Variants in CNTN4 observed in about 807,000 individuals in gnomAD.
CNTN4 encodes contactin 4.
Under a neutral mutation model 122.5 loss-of-function variants are expected in CNTN4, and 77 were observed. That is an observed-to-expected ratio of 0.63 (90% CI 0.52 to 0.76). The LOEUF (loss-of-function observed/expected upper bound fraction) is 0.76. Among genes scored for constraint, CNTN4 ranks in the 30% least tolerant of loss-of-function variants. The pLI, the probability that CNTN4 is intolerant of heterozygous loss-of-function variation, is 0.00. For synonymous variants in CNTN4, 512 were observed against 447.0 expected, an observed-to-expected ratio of 1.15 and a Z score of -1.83; for missense variants, 1,256 against 1,259.1, an observed-to-expected ratio of 1.00 and a Z score of 0.04.
chr3:3,007,734 G>A (rs1174322283), intron 14 of CNTN4, among the ~76,000 whole-genome samples: 1 of 152,190 alleles, frequency 6.6e-6, no homozygotes, highest in African/African-American at 2.4e-5. Flanking sequence ...CCCATAGATT[G>A]GTATGGGAGC....
At chr3:2,361,515 T>A (rs907521928) in intron 3 of CNTN4, among the ~76,000 whole-genome samples, 1 of 152,238 alleles carries the variant, frequency 6.6e-6, no homozygotes, top group South Asian at 2.1e-4. Flanking sequence ...TGCTCTGTAC[T>A]ATACCCTGGG....
At chr3:2,973,300 C>G (rs1034180126) in intron 13 of CNTN4, among the ~76,000 whole-genome samples, 3 of 151,926 alleles carry the variant, frequency 2.0e-5, no homozygotes, top group East Asian at 1.9e-4. Flanking sequence ...GAAGAGAACA[C>G]CCAGGTATTA....
At chr3:2,332,448 T>A (rs1011368131) in intron 2 of CNTN4, among the ~76,000 whole-genome samples, 10 of 152,050 alleles carry the variant, frequency 6.6e-5, no homozygotes, top group Admixed American at 6.6e-4. Flanking sequence ...GAGAAGAGTT[T>A]TTATTCACCC....
At chr3:2,913,792 C>A (rs903133941) in intron 12 of CNTN4, among the ~76,000 whole-genome samples, 6 of 152,134 alleles carry the variant, frequency 3.9e-5, no homozygotes, top group Non-Finnish European at 8.8e-5. Flanking sequence ...GTGAACAACC[C>A]TGTAGGCCAG....
intron 4 of CNTN4, among the ~76,000 whole-genome samples, chr3:2,728,104 A>C (rs2088370280): frequency 6.6e-6 from 1 of 152,202 alleles, no homozygotes; most frequent in Admixed American, 6.5e-5. Flanking sequence ...TAACAACACT[A>C]AATTGTATTA....
chr3:2,988,200 C>T, intron 13 of CNTN4, 145 bp from the exon 14 acceptor site: 1 of 751,532 alleles, frequency 1.3e-6, no homozygotes, highest in Admixed American at 2.1e-5. Flanking sequence ...GACAAATACC[C>T]TAAATAAAGA....
rs375194879 is a variant in CNTN4 at position 2,817,910 on chromosome 3, G to T, written c.359-1576G>T. Reference sequence around the variant, plus strand: ...AGGAATCTCAGACCATTTCCATAAAGACAAGAAAAATACCATGTTCTACCC... The same window carrying T: ...AGGAATCTCAGACCATTTCCATAAATACAAGAAAAATACCATGTTCTACCC... On this transcript the variant is annotated intron_variant, in intron 6 of 24. Transcript: ENST00000418658. 5.9e-5 allele frequency among the ~76,000 whole-genome samples: 9 copies of T among 152,272 alleles called. No individual in the cohort carries two copies. In the South Asian group the frequency reaches 8.3e-4, roughly 14 times the overall value.
At chr3:2,477,857 C>CA (rs2075875513) in intron 3 of CNTN4, among the ~76,000 whole-genome samples, 1 of 152,064 alleles carries the variant, frequency 6.6e-6, no homozygotes, top group South Asian at 2.1e-4. Context: ...GCCATTCAAG[C>CA]AAGAAGGCAG....
At chr3:2,596,059 T>C (rs2080755679) in intron 4 of CNTN4, among the ~76,000 whole-genome samples, 2 of 152,210 alleles carry the variant, frequency 1.3e-5, no homozygotes, top group African/African-American at 4.8e-5. Context: ...AAAATAACAC[T>C]ATAGCATGTG....
chr3:2,983,088 C>G (rs954515071), intron 13 of CNTN4, among the ~76,000 whole-genome samples: 1 of 151,196 alleles, frequency 6.6e-6, no homozygotes, highest in Non-Finnish European at 1.5e-5. Context: ...GTGGCGGGTG[C>G]CTGTAGTCCC....
chr3:2,228,243 T>G (rs537618102), intron 2 of CNTN4, among the ~76,000 whole-genome samples: 42 of 152,280 alleles, frequency 2.8e-4, no homozygotes, highest in South Asian at 1.9e-3. Flanking sequence ...CTTCTTCTTT[T>G]TTGTGTTGCC....
intron 6 of CNTN4, among the ~76,000 whole-genome samples, chr3:2,792,925 C>A (rs1193859439): frequency 6.6e-6 from 1 of 152,144 alleles, no homozygotes; most frequent in African/African-American, 2.4e-5. Flanking sequence ...TGAAGATTTG[C>A]AAAGCAGAGC....
At chr3:2,966,324 A>T (rs1339847094) in intron 13 of CNTN4, among the ~76,000 whole-genome samples, 1 of 152,168 alleles carries the variant, frequency 6.6e-6, no homozygotes, top group African/African-American at 2.4e-5. Flanking sequence ...GTTTCCTATA[A>T]ACAATTGATC....
intron 5 of CNTN4, among the ~76,000 whole-genome samples, chr3:2,736,935 C>T (rs553517406): frequency 2.6e-5 from 4 of 152,252 alleles, no homozygotes; most frequent in African/African-American, 9.6e-5. Flanking sequence ...AGATGTGTGC[C>T]ACCATGCCCA....
chr3:3,037,440 C>T (rs1052341897), intron 18 of CNTN4, 112 bp downstream of exon 18: 3 of 1,410,122 alleles, frequency 2.1e-6, no homozygotes, highest in Non-Finnish European at 3.0e-6. Context: ...GTTAGCTCAC[C>T]CTTCCCTTTA....
chr3:3,004,939 G>C (rs1445467895), intron 14 of CNTN4, among the ~76,000 whole-genome samples: 1 of 152,194 alleles, frequency 6.6e-6, no homozygotes, highest in Non-Finnish European at 1.5e-5. Flanking sequence ...CTGGTCGGTG[G>C]AAGCAAGTTG....
At chr3:2,341,423 C>T (rs190750037) in intron 3 of CNTN4, among the ~76,000 whole-genome samples, 6 of 152,358 alleles carry the variant, frequency 3.9e-5, no homozygotes, top group African/African-American at 1.4e-4. Flanking sequence ...CCTAGCAGTG[C>T]ATGCACAGAT....
chr3:2,607,473 T>C (rs1268605486), intron 4 of CNTN4, among the ~76,000 whole-genome samples: 2 of 152,134 alleles, frequency 1.3e-5, no homozygotes, highest in Non-Finnish European at 2.9e-5. Context: ...GAATTAAAGC[T>C]GTATGTATCA....
intron 2 of CNTN4, among the ~76,000 whole-genome samples, chr3:2,186,356 G>A (rs1172910889): frequency 2.6e-5 from 4 of 152,108 alleles, no homozygotes; most frequent in Non-Finnish European, 5.9e-5. Flanking sequence ...TTGGTTCCAA[G>A]TCTTTGCTAT....
Sources: gnomAD v4.1 joint callset for allele counts (sites outside exome capture counted in the v4.1 genomes callset) on GRCh38, gnomAD v4.1.1 for gene constraint, MANE v1.5 for transcripts, NCBI Gene and HGNC (gene_info 2026-07-23, HGNC 2026-07-21) for gene names.